The following CCDC172 variants were observed in gnomAD, a reference collection of about 807,000 sequenced individuals.
The protein encoded by CCDC172 is coiled-coil domain-containing protein 172.
In CCDC172, 30 loss-of-function variants were observed where a neutral mutation model predicts 38.0. The ratio of observed to expected loss-of-function variants is 0.79; its 90% confidence interval spans 0.59 to 1.07. CCDC172 has a LOEUF of 1.07. Ranked by LOEUF, CCDC172 falls within the 50% of genes least tolerant of loss-of-function variation. CCDC172 has a pLI of 0.00. For missense variants in CCDC172, 297 were observed against 290.1 expected (o/e 1.02, Z -0.17); for synonymous variants, 78 against 88.3 (o/e 0.88, Z 0.66).
chr10:116,346,388 T>C (rs1486687826), intron 5 of CCDC172, among the ~76,000 whole-genome samples: 1 of 151,882 alleles, frequency 6.6e-6, no homozygotes, highest in Non-Finnish European at 1.5e-5. Context: ...ATTCTACTGA[T>C]GCACTACATG....
At chr10:116,375,315 C>T (rs2134973030) in intron 7 of CCDC172, among the ~76,000 whole-genome samples, 1 of 151,974 alleles carries the variant, frequency 6.6e-6, no homozygotes, top group South Asian at 2.1e-4. Flanking sequence ...TATTATTATA[C>T]TTTAAGTTCT....
intron 5 of CCDC172, among the ~76,000 whole-genome samples, chr10:116,353,173 A>T (rs544996710): frequency 3.7e-4 from 55 of 150,158 alleles, no homozygotes; most frequent in African/African-American, 1.3e-3. Flanking sequence ...TTCCTGGGCG[A>T]CAGAGCGAGA....
chr10:116,350,327 GA>G (rs1324714844), intron 5 of CCDC172, among the ~76,000 whole-genome samples: 1 of 152,156 alleles, frequency 6.6e-6, no homozygotes. Context: ...TGAGCAGTTG[GA>G]TCAGGGATGC....
intron 5 of CCDC172, among the ~76,000 whole-genome samples, chr10:116,345,832 C>T (rs1047133695): frequency 4.6e-5 from 7 of 152,152 alleles, no homozygotes; most frequent in African/African-American, 1.7e-4. Context: ...ATCTGATACT[C>T]ATATGGTAGT....
At chr10:116,329,267 A>C (rs1444802846) in intron 3 of CCDC172, among the ~76,000 whole-genome samples, 1 of 152,188 alleles carries the variant, frequency 6.6e-6, no homozygotes, top group Non-Finnish European at 1.5e-5. Context: ...TGAGTATTGT[A>C]TTAGACATTG....
intron 7 of CCDC172, among the ~76,000 whole-genome samples, chr10:116,377,118 G>A (rs573005086): frequency 1.3e-5 from 2 of 152,218 alleles, no homozygotes; most frequent in East Asian, 1.9e-4. Context: ...CACCAACATG[G>A]CACATGTATA....
chr10:116,342,297 A>G, intron 5 of CCDC172, 96 bp downstream of exon 5: 2 of 966,626 alleles, frequency 2.1e-6, no homozygotes, highest in Non-Finnish European at 3.0e-6. Context: ...TCATGAGCAA[A>G]TTGGGTTATT....
chr10:116,370,375 CT>C (rs889333082), intron 7 of CCDC172, among the ~76,000 whole-genome samples: 3 of 151,876 alleles, frequency 2.0e-5, no homozygotes, highest in Admixed American at 6.6e-5. Context: ...CTTGTATATG[CT>C]GTATAATATA....
In CCDC172 at chr10:116,324,924, A is replaced by G. The variant is rs987645317; in HGVS notation, c.-65-23A>G. 1.1e-5 allele frequency: 12 copies of G among 1,059,368 alleles called. No homozygotes were observed. The Admixed American group carries it at 1.5e-4, about 13-fold the overall frequency. The allele number at this position is 1,059,368 out of a possible 1,614,324, so 65.6% of individuals were successfully genotyped here. On this transcript the variant is annotated intron_variant, in intron 1 of 8. Transcript: ENST00000333254. Reference sequence around the variant, plus strand: ...TCTGGGAATGGTTCTAGAAGAATCCATCTTCTTTATTCTGCTTTCCAGGAT... The same window carrying G: ...TCTGGGAATGGTTCTAGAAGAATCCGTCTTCTTTATTCTGCTTTCCAGGAT...
At chr10:116,360,663 A>T (rs946670351) in intron 7 of CCDC172, among the ~76,000 whole-genome samples, 3 of 152,106 alleles carry the variant, frequency 2.0e-5, no homozygotes, top group African/African-American at 7.2e-5. Context: ...GAATCTGGAA[A>T]GGCAAACTGG....
intron 5 of CCDC172, among the ~76,000 whole-genome samples, chr10:116,354,859 G>T (rs1844975660): frequency 6.6e-6 from 1 of 152,218 alleles, no homozygotes; most frequent in African/African-American, 2.4e-5. Flanking sequence ...TGGTATTGAT[G>T]ATCCCACCCT....
chr10:116,342,340 T>A, intron 5 of CCDC172, 139 bp downstream of exon 5: 2 of 612,432 alleles, frequency 3.3e-6, no homozygotes. Flanking sequence ...ATTGATTTAA[T>A]GAAGATGTAT....
chr10:116,372,959 A>T (rs1448677132), intron 7 of CCDC172, among the ~76,000 whole-genome samples: 4 of 152,184 alleles, frequency 2.6e-5, no homozygotes, highest in East Asian at 1.9e-4. Context: ...GCAAATACAG[A>T]TATTTTTAGA....
At chr10:116,330,432 T>C (rs1844646046) in intron 3 of CCDC172, among the ~76,000 whole-genome samples, 1 of 152,164 alleles carries the variant, frequency 6.6e-6, no homozygotes, top group African/African-American at 2.4e-5. Context: ...CAGTAAGTAA[T>C]GCATAAAGTT....
At chr10:116,373,705 A>T (rs144177112) in intron 7 of CCDC172, among the ~76,000 whole-genome samples, 2 of 152,148 alleles carry the variant, frequency 1.3e-5, no homozygotes, top group East Asian at 3.9e-4. Context: ...GGGTTTCCCC[A>T]TGTTGGCCAG....
intron 8 of CCDC172, among the ~76,000 whole-genome samples, chr10:116,378,876 G>C (rs1845280069): frequency 6.6e-6 from 1 of 152,042 alleles, no homozygotes; most frequent in South Asian, 2.1e-4. Context: ...GTTTTTGATA[G>C]GCATAAATTA....
At chr10:116,378,255 G>A (rs1225286894) in intron 7 of CCDC172, among the ~76,000 whole-genome samples, 168 bp from the exon 8 acceptor site, 3 of 151,986 alleles carry the variant, frequency 2.0e-5, no homozygotes, top group East Asian at 1.9e-4. Flanking sequence ...AAGTTTTACC[G>A]CAAAATTTTA....
chr10:116,326,831 G>T (rs1315942260), intron 3 of CCDC172, among the ~76,000 whole-genome samples: 1 of 152,136 alleles, frequency 6.6e-6, no homozygotes, highest in East Asian at 1.9e-4. Flanking sequence ...AATAGGGAGA[G>T]TCTTTTAAAA....
intron 7 of CCDC172, among the ~76,000 whole-genome samples, chr10:116,358,467 T>C (rs186070486): frequency 8.1e-4 from 124 of 152,246 alleles, no homozygotes; most frequent in African/African-American, 2.9e-3. Context: ...AGACCTCAAG[T>C]TTTAAAATTT....
Sources: gnomAD v4.1 joint callset for allele counts (sites outside exome capture counted in the v4.1 genomes callset) on GRCh38, gnomAD v4.1.1 for gene constraint, MANE v1.5 for transcripts, NCBI Gene and HGNC (gene_info 2026-07-23, HGNC 2026-07-21) for gene names.